Variants in CRYBA2 observed in about 807,000 individuals in gnomAD.
CRYBA2 encodes the protein beta-crystallin A2.
A neutral mutation model predicts 18.5 loss-of-function variants in CRYBA2; 17 were observed. The observed-to-expected ratio is 0.92, with a 90% confidence interval of 0.63 to 1.38. The LOEUF (loss-of-function observed/expected upper bound fraction) is 1.38, where lower values mean the gene tolerates loss of function less well. Among genes scored for constraint, CRYBA2 ranks in the 40% most tolerant of loss-of-function variants. The pLI is 0.00. For missense variants in CRYBA2, 271 were observed against 265.0 expected, an observed-to-expected ratio of 1.02 and a Z score of -0.16; for synonymous variants, 101 against 106.2, an observed-to-expected ratio of 0.95 and a Z score of 0.30.
rs888462974 is a variant in CRYBA2 at position 218,992,123 on chromosome 2, G to A, written c.282C>T (p.Ser94=). 4.3e-6 allele frequency: 7 copies of A among 1,613,340 alleles called. No homozygotes were observed. In the Admixed American group the frequency reaches 8.3e-5, roughly 19 times the overall value. Residue 94 remains serine, a synonymous_variant, in exon 2 of 4, where the codon TCC becomes TCT. Coordinates refer to ENST00000295728, the MANE Select transcript of CRYBA2 (RefSeq NM_057093.2). ...SSSHNSNQLL[S]FRPVLCANHN... Reference sequence around the variant, plus strand: ...TCACCGCGCAGAGCACTGGCCGGAAGGACAGCAGCTGGTTGCTGTTGTGGC... The same window carrying A: ...TCACCGCGCAGAGCACTGGCCGGAAAGACAGCAGCTGGTTGCTGTTGTGGC...
rs1945491271 is a variant in CRYBA2, at chr2:218,990,964, C to T, written c.334G>A (p.Glu112Lys). The T allele has an allele frequency of 6.2e-7, 1 of 1,614,032 alleles. No individual in the cohort carries two copies. The highest frequency in any genetic ancestry group is 1.1e-5 in the South Asian group (1 of 91,080). Residue 112 changes from glutamate (E) to lysine (K), a missense_variant, in exon 3 of 4, where the codon GAG becomes AAG. Transcript: ENST00000295728. Reference sequence around the variant, plus strand: ...TTGCAGCCTTGGAAGTTGTCCCCCTCAAACAGTGTCACACGGCTGTCATTG... The same window carrying T: ...TTGCAGCCTTGGAAGTTGTCCCCCTTAAACAGTGTCACACGGCTGTCATTG... ...NHNDSRVTLF[E>K]GDNFQGCKFD...
rs144661907 is a variant in CRYBA2, at chr2:218,990,275, A to G, written c.571T>C (p.Ser191Pro). 934 of 1,613,962 alleles carry G rather than the reference A, an allele frequency of 5.8e-4. No individual in the cohort carries two copies. Among genetic ancestry groups the G allele is most frequent in the Non-Finnish European group, 7.7e-4 (909 of 1,179,986 alleles). The change falls in exon 4 of 4, where the codon TCC becomes CCC. Residue 191 changes from serine (S) to proline (P), a missense_variant. Physicochemically the swap from Ser to Pro is moderately conservative, Grantham distance 74. Transcript: ENST00000295728. ...GTQAHTGQLQ[S>P]IRRVQH ...GCCTAGTGCTGGACTCTCCGGATGG[A>G]CTGCAGCTGCCCAGTGTGGGCCTGT...
intron 3 of CRYBA2, 147 bp from the exon 4 acceptor site, chr2:218,990,546 C>T: frequency 9.6e-7 from 1 of 1,042,514 alleles, no homozygotes; most frequent in African/African-American, 1.6e-5. Context: ...CTCTCCCTCC[C>T]CTGCCCACTG....
rs769417424 is a variant in CRYBA2, at chr2:218,993,194, G to T, written c.-18C>A. ...CTGCTCATGCCGCTGCGGACAGGAA[G>T]GGTGGCACCACGCGCTCAGCGTCTC... is the stretch of plus-strand genomic sequence containing the variant. On this transcript the variant is annotated 5_prime_UTR_variant, in exon 1 of 4. Coordinates refer to ENST00000295728, the MANE Select transcript of CRYBA2 (RefSeq NM_057093.2). This position sits in a 1 kb window ranked among gnomAD's most constrained non-coding sequence, Gnocchi z 7.7. 2 of 1,579,152 alleles carry T rather than the reference G, an allele frequency of 1.3e-6. No individual in the cohort carries two copies.
intron 3 of CRYBA2, among the ~76,000 whole-genome samples, 158 bp downstream of exon 3, chr2:218,990,694 C>T (rs1204649503): frequency 6.6e-6 from 1 of 151,752 alleles, no homozygotes; most frequent in Non-Finnish European, 1.5e-5. Flanking sequence ...CTCCTCATTT[C>T]CTCCCTTCCA....
rs959798019 is a variant in CRYBA2, at chr2:218,992,297, C to T, written c.162-54G>A. On this transcript the variant is annotated intron_variant, in intron 1 of 3. Coordinates refer to ENST00000295728, the MANE Select transcript of CRYBA2 (RefSeq NM_057093.2). ...CTGCCCCAGCCGCACCCTCTCTGCCCTCCCCCTTGCCGGCCATGATTGAAA... is the reference window on the plus strand; with the variant it reads ...CTGCCCCAGCCGCACCCTCTCTGCCTTCCCCCTTGCCGGCCATGATTGAAA... The T allele has an allele frequency of 1.9e-6, 3 of 1,573,716 alleles. No individual in the cohort carries two copies. The African/African-American group carries it at 4.1e-5, about 21-fold the overall frequency.
Position 218,992,996 on chromosome 2 carries a change from G to T in CRYBA2, c.161+20C>A. Reference sequence around the variant, plus strand: ...CAGCGCCCCTCAACCCAGCCCAGCCGCGGCCAGGCAATCACTCACACGCCG... The same window carrying T: ...CAGCGCCCCTCAACCCAGCCCAGCCTCGGCCAGGCAATCACTCACACGCCG... On this transcript the variant is annotated intron_variant, in intron 1 of 3. Coordinates refer to ENST00000295728, the MANE Select transcript of CRYBA2 (RefSeq NM_057093.2). 1.3e-6 allele frequency: 2 copies of T among 1,587,808 alleles called. No individual in the cohort carries two copies. The highest frequency in any genetic ancestry group is 1.7e-6 in the Non-Finnish European group (2 of 1,162,380).
chr2:218,992,498 T>C (rs1945509822), intron 1 of CRYBA2, among the ~76,000 whole-genome samples: 1 of 152,166 alleles, frequency 6.6e-6, no homozygotes, highest in African/African-American at 2.4e-5. Context: ...TTCCTGGTTA[T>C]GAAGATCTCC....
chr2:218,992,369 G>A, intron 1 of CRYBA2, 126 bp from the exon 2 acceptor site: 2 of 973,760 alleles, frequency 2.1e-6, no homozygotes, highest in Non-Finnish European at 3.0e-6. Context: ...CCCTTCCCCT[G>A]ACACCCCCAT....
intron 2 of CRYBA2, chr2:218,991,761 G>A (rs1945499938): frequency 1.3e-5 from 4 of 298,566 alleles, no homozygotes; most frequent in Non-Finnish European, 2.5e-5. Context: ...CCACACCTGT[G>A]TATGGGGCTA....
chr2:218,990,601 A>C (rs1325828575), intron 3 of CRYBA2, among the ~76,000 whole-genome samples: 23 of 123,194 alleles, frequency 1.9e-4, no homozygotes, highest in Admixed American at 5.1e-4. Flanking sequence ...TTCTATACCC[A>C]CCCCTTATTT....
rs765440590 is a variant in CRYBA2, at chr2:218,990,347, G to A, written c.499C>T (p.Arg167Trp). ...GYRGYQYVLE[R>W]DRHSGEFCTY... is the part of the protein sequence containing the mutation. ...CAGAACTCTCCGCTGTGCCGGTCCC[G>A]CTCCAACACATACTGGTAGCCTCGG... is the stretch of plus-strand genomic sequence containing the variant. The change falls in exon 4 of 4, where the codon CGG (arginine) becomes TGG (tryptophan). Residue 167 changes from arginine to tryptophan, a missense_variant. Coordinates refer to ENST00000295728, the MANE Select transcript of CRYBA2 (RefSeq NM_057093.2). 1.1e-5 allele frequency: 18 copies of A among 1,613,978 alleles called. No individual in the cohort carries two copies. The highest frequency in any genetic ancestry group is 5.3e-5 in the African/African-American group (4 of 74,908).
intron 2 of CRYBA2, 47 bp from the exon 3 acceptor site, chr2:218,991,041 G>A (rs1355833016): frequency 5.6e-6 from 9 of 1,603,594 alleles, no homozygotes; most frequent in South Asian, 2.2e-5. Context: ...CTTCCAAAGG[G>A]TTAACGGATA....
Position 218,990,399 on chromosome 2 carries a change from C to T in CRYBA2, c.447G>A (p.Ala149=). 1 of 1,614,016 alleles carries T rather than the reference C, an allele frequency of 6.2e-7. No individual in the cohort carries two copies. The highest frequency in any genetic ancestry group is 1.1e-5 in the South Asian group (1 of 91,072). Residue 149 remains alanine (A), a splice_region_variant and synonymous_variant, in exon 4 of 4, where the codon GCG becomes GCA. Transcript: ENST00000295728. ...AGCCTGGGTACTGGTAGGCCACCCA[C>T]CTAGGCCAGTGAGGGTACAGAGGCA... The part of the protein sequence containing the change: ...DVGSLKVSSG[A]WVAYQYPGYR...
rs917162597 is a variant in CRYBA2 at position 218,993,395 on chromosome 2, G to C, written c.-219C>G. On this transcript the variant is annotated 5_prime_UTR_variant, in exon 1 of 4. Coordinates refer to ENST00000295728, the MANE Select transcript of CRYBA2 (RefSeq NM_057093.2). This position sits in a 1 kb window ranked among gnomAD's most constrained non-coding sequence, Gnocchi z 7.7. ...TTCACCGGGTGGGTGAGCGCGGCACGCGAGGGAAATGGACCGGCTGCGAGG... is the reference window on the plus strand; with the variant it reads ...TTCACCGGGTGGGTGAGCGCGGCACCCGAGGGAAATGGACCGGCTGCGAGG... 7 of 550,624 alleles carry C rather than the reference G, an allele frequency of 1.3e-5. No homozygotes were observed. The highest frequency in any genetic ancestry group is 2.2e-5 in the Non-Finnish European group (7 of 316,968). 34.1% of individuals were successfully genotyped at this position (550,624 alleles called of 1,614,324 possible).
chr2:218,991,328 T>G, intron 2 of CRYBA2: 1 of 235,238 alleles, frequency 4.3e-6, no homozygotes, highest in Admixed American at 5.4e-5. Context: ...TAGAGAAATC[T>G]GTCCCATTCA....
Position 218,993,212 on chromosome 2 carries a change from A to C in CRYBA2, c.-36T>G. The C allele has an allele frequency of 6.5e-7, 1 of 1,550,014 alleles. No individual in the cohort carries two copies. The highest frequency in any genetic ancestry group is 8.7e-7 in the Non-Finnish European group (1 of 1,150,344). The stretch of plus-strand genomic sequence containing the variant: ...ACAGGAAGGGTGGCACCACGCGCTC[A>C]GCGTCTCAAGAGCCCCGTTTCGAGC... On this transcript the variant is annotated 5_prime_UTR_variant, in exon 1 of 4. Coordinates refer to ENST00000295728, the MANE Select transcript of CRYBA2 (RefSeq NM_057093.2). The surrounding 1 kb of genome is among the most constrained non-coding windows in gnomAD (Gnocchi z 7.7).
chr2:218,990,809 C>T (rs1192519912), intron 3 of CRYBA2, 43 bp downstream of exon 3: 2 of 1,600,582 alleles, frequency 1.2e-6, no homozygotes, highest in East Asian at 2.2e-5. Flanking sequence ...TCCCCATTGC[C>T]TCCCTGCTCT....
In CRYBA2 at chr2:218,991,715, C is replaced by T. The variant is rs201615211; in HGVS notation, c.303+387G>A. The T allele has an allele frequency of 1.5e-4, 31 of 210,682 alleles. No individual in the cohort carries two copies. In the East Asian group the frequency reaches 2.8e-3, roughly 19 times the overall value. 13.1% of individuals were successfully genotyped at this position (210,682 alleles called of 1,614,324 possible). ...ACTGAGACTGACTCTTTTCAGTGAC[C>T]CTGGGCAAGCCACTTTGTCCCTTTG... On this transcript the variant is annotated intron_variant, in intron 2 of 3. Transcript: ENST00000295728.
Sources: gnomAD v4.1 joint callset for allele counts (sites outside exome capture counted in the v4.1 genomes callset) on GRCh38, gnomAD v4.1.1 for gene constraint, Gnocchi (gnomAD v3.1) non-coding constraint, MANE v1.5 for transcripts, NCBI Gene and HGNC (gene_info 2026-07-23, HGNC 2026-07-21) for gene names.